ARHGEF3: variants seen among roughly 807,000 people sequenced by gnomAD.
ARHGEF3 encodes the protein Rho guanine nucleotide exchange factor 3, also known as 59.8 kDA protein.
ARHGEF3 carries 28 observed loss-of-function variants against 63.2 expected under a neutral mutation model. The ratio of observed to expected loss-of-function variants is 0.44; its 90% confidence interval spans 0.33 to 0.61. The LOEUF is 0.61. Ranked by LOEUF, ARHGEF3 falls within the 20% of genes least tolerant of loss-of-function variation. ARHGEF3 has a pLI of 0.03. For synonymous variants in ARHGEF3, 266 were observed against 254.2 expected (o/e 1.05, Z -0.44); for missense variants, 533 against 659.3 (o/e 0.81, Z 2.10).
chr3:56,745,468 A>T lies in ARHGEF3; in HGVS notation c.613-6T>A. The T allele has an allele frequency of 1.2e-6, 2 of 1,611,884 alleles. No homozygotes were observed. The highest frequency in any genetic ancestry group is 1.7e-6 in the Non-Finnish European group (2 of 1,178,900). On this transcript the variant is annotated splice_polypyrimidine_tract_variant and splice_region_variant and intron_variant, in intron 6 of 9. Transcript: ENST00000296315. ...TAGGAGCTGAGGCAAGGGAGCTAAG[A>T]AGGAAACAGAAAGAGAAGGTTGGAA... is the stretch of plus-strand genomic sequence containing the variant.
chr3:57,054,592 T>A (rs974203862), intron 1 of ARHGEF3, among the ~76,000 whole-genome samples: 3 of 148,820 alleles, frequency 2.0e-5, no homozygotes, highest in African/African-American at 7.4e-5. Context: ...TGAGGCAACA[T>A]CACACCACTG....
chr3:56,824,524 C>A (rs762865587), intron 4 of ARHGEF3, among the ~76,000 whole-genome samples: 2 of 152,220 alleles, frequency 1.3e-5, no homozygotes, highest in African/African-American at 4.8e-5. Flanking sequence ...GGCTCTACTA[C>A]TTCTTTGAGG....
At position 56,956,859 on chromosome 3, in the gene ARHGEF3, A is replaced by G. The variant is rs369580343; in HGVS notation, c.129+1964T>C. Among the ~76,000 whole-genome samples, 254 of 152,174 alleles carry G rather than the reference A, an allele frequency of 1.7e-3. 2 individuals carry two copies. The highest frequency in any genetic ancestry group is 5.8e-3 in the African/African-American group (243 of 41,564). The stretch of plus-strand genomic sequence containing the variant: ...TCTCTATAGTTCAAAATTGACTGTT[A>G]ATGTCAGCTATTCCAAAGTGCATAC... On this transcript the variant is annotated intron_variant, in intron 3 of 12. Coordinates refer to the ARHGEF3 transcript ENST00000338458.
intron 3 of ARHGEF3, among the ~76,000 whole-genome samples, chr3:56,933,482 C>T (rs1158564137): frequency 1.3e-5 from 2 of 150,796 alleles, no homozygotes; most frequent in African/African-American, 4.9e-5. Flanking sequence ...TGCAGTGACA[C>T]GATCACAGAT....
chr3:57,036,995 A>T (rs981940314), intron 1 of ARHGEF3, among the ~76,000 whole-genome samples: 5 of 152,210 alleles, frequency 3.3e-5, no homozygotes, highest in African/African-American at 1.2e-4. Flanking sequence ...TTAGACAGTC[A>T]GTTTAGGGGA....
At chr3:56,745,002 C>A (rs779229435) in intron 7 of ARHGEF3, among the ~76,000 whole-genome samples, 4 of 152,100 alleles carry the variant, frequency 2.6e-5, no homozygotes, top group Non-Finnish European at 4.4e-5. Context: ...GTAAGCACTG[C>A]ATTTTACAGT....
chr3:56,748,967 G>C (rs888305812), intron 6 of ARHGEF3, among the ~76,000 whole-genome samples: 2 of 134,294 alleles, frequency 1.5e-5, no homozygotes, highest in African/African-American at 5.7e-5. Flanking sequence ...ATTTTTCATG[G>C]GTCGAATGGG....
chr3:56,992,375 TAAAAAAAAAAAAA>T (rs57740672), intron 2 of ARHGEF3, among the ~76,000 whole-genome samples: 576 of 46,156 alleles, frequency 0.012, 10 homozygotes, highest in Non-Finnish European at 0.022. Flanking sequence ...AGGATGGCTT[TAAAAAAAAAAAAA>T]AAAAAAAAAA....
At chr3:56,793,152 C>A (rs944601344) in intron 1 of ARHGEF3, among the ~76,000 whole-genome samples, 1 of 151,274 alleles carries the variant, frequency 6.6e-6, no homozygotes, top group East Asian at 2.0e-4. Flanking sequence ...TACAGGCTCC[C>A]GCCACCAGGC....
chr3:57,053,056 C>T (rs944624484), intron 1 of ARHGEF3, among the ~76,000 whole-genome samples: 1 of 152,232 alleles, frequency 6.6e-6, no homozygotes, highest in African/African-American at 2.4e-5. Context: ...CCACCACCAC[C>T]ATTTAATCCT....
chr3:56,825,608 A>T (rs79762299), intron 4 of ARHGEF3, among the ~76,000 whole-genome samples: 21,026 of 152,216 alleles, frequency 0.14, 1,609 homozygotes, highest in South Asian at 0.23. Context: ...TTGAGAATCG[A>T]CTAAAGTTAT....
At chr3:57,009,621 C>T (rs1702601888) in intron 2 of ARHGEF3, among the ~76,000 whole-genome samples, 1 of 152,114 alleles carries the variant, frequency 6.6e-6, no homozygotes, top group Non-Finnish European at 1.5e-5. Context: ...AAAAAGTGAG[C>T]CACACTGCTG....
chr3:56,958,503 AT>A (rs1480003839), intron 3 of ARHGEF3, among the ~76,000 whole-genome samples: 1 of 149,978 alleles, frequency 6.7e-6, no homozygotes, highest in South Asian at 2.1e-4. Context: ...TAATTTTCAT[AT>A]TTTTTTTTGT....
At chr3:56,932,939 T>G (rs1331162821) in intron 3 of ARHGEF3, among the ~76,000 whole-genome samples, 1 of 152,218 alleles carries the variant, frequency 6.6e-6, no homozygotes, top group Non-Finnish European at 1.5e-5. Context: ...TGTTAATTTG[T>G]ACCACATCAA....
At chr3:57,043,820 C>A (rs1704331942) in intron 1 of ARHGEF3, among the ~76,000 whole-genome samples, 1 of 152,228 alleles carries the variant, frequency 6.6e-6, no homozygotes, top group Non-Finnish European at 1.5e-5. Context: ...CCTTGCATGA[C>A]ATGAGATCAT....
At chr3:56,844,098 T>C (rs987590942) in intron 4 of ARHGEF3, among the ~76,000 whole-genome samples, 6 of 152,230 alleles carry the variant, frequency 3.9e-5, no homozygotes, top group African/African-American at 9.6e-5. Flanking sequence ...CCTGGCACTT[T>C]AGTGCATGAC....
chr3:56,744,578 G>C (rs1365419018), intron 7 of ARHGEF3, among the ~76,000 whole-genome samples: 1 of 147,314 alleles, frequency 6.8e-6, no homozygotes, highest in Admixed American at 6.8e-5. Flanking sequence ...TTTTTTTTTT[G>C]TATTTTTAGT....
At chr3:57,041,208 C>G (rs888944546) in intron 1 of ARHGEF3, among the ~76,000 whole-genome samples, 2 of 152,116 alleles carry the variant, frequency 1.3e-5, no homozygotes, top group Admixed American at 6.6e-5. Flanking sequence ...ATAATAACTC[C>G]TACTAATAGC....
chr3:56,993,575 A>G (rs1473625371), intron 2 of ARHGEF3, among the ~76,000 whole-genome samples: 1 of 150,550 alleles, frequency 6.6e-6, no homozygotes, highest in Non-Finnish European at 1.5e-5. Context: ...GTGTCTCCCT[A>G]TGTTGCCCAG....
Sources: allele counts gnomAD v4.1 joint callset (sites outside exome capture counted in the v4.1 genomes callset), GRCh38; gene constraint gnomAD v4.1.1; transcripts MANE v1.5; gene names NCBI Gene and HGNC (gene_info 2026-07-23, HGNC 2026-07-21).